The following RALYL variants were observed in gnomAD, a reference collection of about 807,000 sequenced individuals.
RALYL encodes the protein RNA-binding Raly-like protein.
In RALYL, 29 loss-of-function variants were observed where a neutral mutation model predicts 35.1. The observed-to-expected ratio is 0.83, with a 90% CI of 0.61 to 1.13. The LOEUF (loss-of-function observed/expected upper bound fraction) is 1.13. Ranked by LOEUF, RALYL falls within the 50% of genes most tolerant of loss-of-function variation. RALYL has a pLI of 0.00. For missense variants in RALYL, 359 were observed against 360.4 expected, an observed-to-expected ratio of 1.00 and a Z score of 0.03; for synonymous variants, 120 against 127.6, an observed-to-expected ratio of 0.94 and a Z score of 0.40.
intron 4 of RALYL, among the ~76,000 whole-genome samples, chr8:84,836,913 A>G (rs555647381): frequency 6.6e-6 from 1 of 152,314 alleles, no homozygotes; most frequent in Non-Finnish European, 1.5e-5. Flanking sequence ...TGCCAAAGAG[A>G]GAGAATAATC....
At chr8:84,301,826 A>G (rs1840848741) in intron 1 of RALYL, among the ~76,000 whole-genome samples, 1 of 152,108 alleles carries the variant, frequency 6.6e-6, no homozygotes, top group Non-Finnish European at 1.5e-5. Context: ...CTAATTATCA[A>G]TTTTGTATAA....
At chr8:84,423,617 G>C (rs573198520) in intron 1 of RALYL, among the ~76,000 whole-genome samples, 4 of 151,336 alleles carry the variant, frequency 2.6e-5, no homozygotes, top group African/African-American at 9.7e-5. Context: ...GATTTTGCTC[G>C]TTAGTTGATG....
intron 1 of RALYL, among the ~76,000 whole-genome samples, chr8:84,225,426 C>T (rs1823634897): frequency 6.6e-6 from 1 of 152,118 alleles, no homozygotes; most frequent in African/African-American, 2.4e-5. Context: ...GAACAATATC[C>T]AGATTCTTTG....
intron 1 of RALYL, among the ~76,000 whole-genome samples, chr8:84,193,373 G>T (rs886912961): frequency 3.0e-4 from 46 of 152,170 alleles, no homozygotes; most frequent in African/African-American, 1.1e-3. Context: ...AAGAAGGTTG[G>T]TGTGATTAGT....
At chr8:84,323,532 T>C (rs187607608) in intron 1 of RALYL, among the ~76,000 whole-genome samples, 31 of 152,170 alleles carry the variant, frequency 2.0e-4, no homozygotes, top group South Asian at 6.2e-4. Flanking sequence ...AAACAAAAAA[T>C]CATTTCATTT....
chr8:84,377,487 C>T (rs1205208159), intron 1 of RALYL, among the ~76,000 whole-genome samples: 2 of 93,898 alleles, frequency 2.1e-5, no homozygotes, highest in African/African-American at 1.0e-4. Context: ...TTAAACTGAT[C>T]CCATGAGATC....
intron 1 of RALYL, among the ~76,000 whole-genome samples, chr8:84,528,691 A>G (rs2059072322): frequency 6.6e-6 from 1 of 152,152 alleles, no homozygotes; most frequent in Admixed American, 6.5e-5. Context: ...CATATATAGT[A>G]TTCTGGCTAA....
At chr8:84,617,401 G>A (rs1407329869) in intron 2 of RALYL, among the ~76,000 whole-genome samples, 3 of 148,628 alleles carry the variant, frequency 2.0e-5, no homozygotes, top group Non-Finnish European at 4.5e-5. Context: ...TTTGTCTGTT[G>A]TTGGTGTATA....
rs117727734 is a variant in RALYL, at chr8:84,888,057, T to C, written c.858+281T>C. ...GAAAGATTCTCTCCAAAATGCTCCA[T>C]TGCAAAAGGAACCTTGCATTTATGC... On this transcript the variant is annotated intron_variant, in intron 8 of 8. Coordinates refer to ENST00000521268, the MANE Select transcript of RALYL (RefSeq NM_173848.7). Among the ~76,000 whole-genome samples the C allele has an allele frequency of 6.6e-3, 1,009 of 152,350 alleles. 8 individuals carry two copies. The highest frequency in any genetic ancestry group is 9.3e-3 in the Non-Finnish European group (631 of 68,034).
intron 2 of RALYL, among the ~76,000 whole-genome samples, chr8:84,599,234 T>TA (rs1195591345): frequency 1.3e-5 from 2 of 152,090 alleles, no homozygotes; most frequent in African/African-American, 4.8e-5. Context: ...ATTTCATATA[T>TA]GTGCTATGAT....
At chr8:84,848,623 C>A (rs780132318) in intron 4 of RALYL, among the ~76,000 whole-genome samples, 4 of 151,994 alleles carry the variant, frequency 2.6e-5, no homozygotes, top group Non-Finnish European at 5.9e-5. Context: ...GTATTAATGA[C>A]AGAGGCTGGA....
At chr8:84,900,069 A>T (rs908794714) in intron 8 of RALYL, among the ~76,000 whole-genome samples, 10 of 152,322 alleles carry the variant, frequency 6.6e-5, no homozygotes, top group African/African-American at 2.2e-4. Flanking sequence ...GTAGATACAC[A>T]ATTTTCAAAC....
At chr8:84,722,617 T>TTA (rs71823678) in intron 2 of RALYL, among the ~76,000 whole-genome samples, 11,620 of 97,146 alleles carry the variant, frequency 0.12, 639 homozygotes, top group Middle Eastern at 0.16. Flanking sequence ...TAGAGTGATT[T>TTA]TATATATATA....
chr8:84,211,882 A>G (rs1341400564), intron 1 of RALYL, among the ~76,000 whole-genome samples: 4 of 152,170 alleles, frequency 2.6e-5, no homozygotes, highest in Non-Finnish European at 2.9e-5. Flanking sequence ...AACATTATCA[A>G]AAATTTATTT....
intron 2 of RALYL, among the ~76,000 whole-genome samples, chr8:84,676,003 A>G (rs1278639278): frequency 2.6e-5 from 4 of 152,220 alleles, no homozygotes; most frequent in Admixed American, 2.0e-4. Flanking sequence ...GTAATGTGGC[A>G]ATCATTTCAC....
At chr8:84,899,567 T>C (rs1845317812) in intron 8 of RALYL, among the ~76,000 whole-genome samples, 2 of 152,204 alleles carry the variant, frequency 1.3e-5, no homozygotes, top group African/African-American at 4.8e-5. Flanking sequence ...AGGATTATTA[T>C]ACAAAGAATG....
At chr8:84,247,289 A>G (rs1829296575) in intron 1 of RALYL, among the ~76,000 whole-genome samples, 1 of 152,170 alleles carries the variant, frequency 6.6e-6, no homozygotes, top group Non-Finnish European at 1.5e-5. Flanking sequence ...TTATTGGACC[A>G]TTAGGTTTTT....
intron 1 of RALYL, among the ~76,000 whole-genome samples, chr8:84,275,701 G>A (rs764047800): frequency 2.0e-5 from 3 of 151,828 alleles, no homozygotes; most frequent in Non-Finnish European, 4.4e-5. Context: ...CCTGCCCAAC[G>A]CCTGGTAACC....
At chr8:84,851,294 TTTA>T (rs1221942751) in intron 5 of RALYL, among the ~76,000 whole-genome samples, 3 of 152,172 alleles carry the variant, frequency 2.0e-5, no homozygotes, top group African/African-American at 4.8e-5. Flanking sequence ...ATCATGCACA[TTTA>T]TTATTTATGC....
Sources: gnomAD v4.1 joint callset for allele counts (sites outside exome capture counted in the v4.1 genomes callset) on GRCh38, gnomAD v4.1.1 for gene constraint, MANE v1.5 for transcripts, NCBI Gene and HGNC (gene_info 2026-07-23, HGNC 2026-07-21) for gene names.